Variants in PANX2 observed in about 807,000 individuals in gnomAD.
PANX2 encodes pannexin 2, also known as pannexin-2.
In PANX2, 30 loss-of-function variants were observed where a neutral mutation model predicts 38.7. The observed-to-expected ratio is 0.78, with a 90% CI of 0.58 to 1.05. PANX2 has a LOEUF of 1.05. PANX2 is among the 50% of genes least tolerant of loss of function. PANX2 has a pLI of 0.00. For synonymous variants in PANX2, 539 were observed against 472.1 expected (o/e 1.14, Z -1.84); for missense variants, 880 against 979.3 (o/e 0.90, Z 1.35).
intron 1 of PANX2, among the ~76,000 whole-genome samples, chr22:50,175,020 G>A (rs190958865): frequency 1.4e-4 from 21 of 152,324 alleles, no homozygotes; most frequent in African/African-American, 4.8e-4. Flanking sequence ...GGGCCGGGCC[G>A]GTCACCTGCA....
chr22:50,178,928 TTGCAGA>T lies in PANX2; in HGVS notation c.1691-2_1694del. On this transcript the variant is annotated splice_acceptor_variant and splice_polypyrimidine_tract_variant and coding_sequence_variant and intron_variant, in exon 3 of 3. Coordinates refer to ENST00000395842, the MANE Select transcript of PANX2 (RefSeq NM_052839.4). LOFTEE classifies it high-confidence loss of function. ...GTGAGATGTCTGTGCTCTTGGCTGT[TTGCAGA>T]TGCTCCGCTCCCCGAGAAGGAAATC... is the stretch of plus-strand genomic sequence containing the variant. The T allele has an allele frequency of 5.1e-6, 8 of 1,558,438 alleles. No homozygotes were observed. Among genetic ancestry groups the T allele is most frequent in the Non-Finnish European group, 7.0e-6 (8 of 1,150,750 alleles).
In PANX2 at chr22:50,178,204, G is replaced by GGCCCC; in HGVS notation, c.1492_1493insGCCCC (p.Ala498GlyfsTer60). 1 of 1,319,950 alleles carries GGCCCC rather than the reference G, an allele frequency of 7.6e-7. No homozygotes were observed. The highest frequency in any genetic ancestry group is 1.0e-6 in the Non-Finnish European group (1 of 1,004,476). 81.8% of individuals were successfully genotyped at this position (1,319,950 alleles called of 1,614,324 possible). ...CGACCCGGGCCCCGGCCCCGCCCCT[G>GGCCCC]CCCCCGCCCCGCCGCCCGCCCCTGA... On this transcript the variant is annotated frameshift_variant, in exon 2 of 3. Transcript: ENST00000395842. LOFTEE classifies it high-confidence loss of function.
chr22:50,176,938 G>C lies in PANX2; in HGVS notation c.227-1G>C. ...AGCCCGTGTCTCCTCTTTGCCCCCA[G>C]AGGAACCCATTTACTGTTACACCCC... On this transcript the variant is annotated splice_acceptor_variant, in intron 1 of 2. Transcript: ENST00000395842. LOFTEE classifies it high-confidence loss of function. The C allele has an allele frequency of 6.6e-7, 1 of 1,521,794 alleles. No homozygotes were observed. The highest frequency in any genetic ancestry group is 1.4e-5 in the African/African-American group (1 of 72,572). 94.3% of individuals were successfully genotyped at this position (1,521,794 alleles called of 1,614,324 possible). A position where few individuals can be genotyped will look rare whatever the true frequency, so the allele number is the denominator to read the frequency against.
Position 50,177,594 on chromosome 22 carries a change from C to T in PANX2, c.882C>T (p.Asp294=). Residue 294 remains aspartate (D), a synonymous_variant, in exon 2 of 3, where the codon GAC becomes GAT. Coordinates refer to ENST00000395842, the MANE Select transcript of PANX2 (RefSeq NM_052839.4). ...TGCAGCGCATCATCGCGGGCGTGGA[C>T]ATCGTGCTGCTGTGCGTCATGAACC... The part of the protein sequence containing the change: ...VQLQRIIAGV[D]IVLLCVMNLI... The T allele has an allele frequency of 6.2e-7, 1 of 1,612,856 alleles. No individual in the cohort carries two copies. Among genetic ancestry groups the T allele is most frequent in the Admixed American group, 1.7e-5 (1 of 60,026 alleles).
rs779053312 is a variant in PANX2, at chr22:50,179,163, G to T, written c.1920G>T (p.Gly640=). The T allele has an allele frequency of 1.4e-5, 23 of 1,612,264 alleles. No individual in the cohort carries two copies. Among genetic ancestry groups the T allele is most frequent in the Non-Finnish European group, 1.9e-5 (23 of 1,179,822 alleles). ...TLYEAREEED[G]GPRLPQDVGD... is the part of the protein sequence containing the mutation. The stretch of plus-strand genomic sequence containing the variant: ...ACGAGGCCCGGGAGGAGGAGGACGG[G>T]GGCCCCCGCCTGCCGCAGGACGTGG... The change falls in exon 3 of 3, where the codon GGG becomes GGT. Residue 640 remains glycine, a synonymous_variant. Coordinates refer to ENST00000395842, the MANE Select transcript of PANX2 (RefSeq NM_052839.4).
In PANX2 at chr22:50,178,939, C is replaced by A; in HGVS notation, c.1696C>A (p.Pro566Thr). 6.4e-7 allele frequency: 1 copy of A among 1,567,844 alleles called. No homozygotes were observed. Among genetic ancestry groups the A allele is most frequent in the South Asian group, 1.1e-5 (1 of 86,960 alleles). The stretch of plus-strand genomic sequence containing the variant: ...GTGCTCTTGGCTGTTTGCAGATGCT[C>A]CGCTCCCCGAGAAGGAAATCCCGTA... Reference protein sequence around the residue: ...GLAPAPIKDAPLPEKEIPYPT... With the variant: ...GLAPAPIKDATLPEKEIPYPT... Residue 566 changes from proline to threonine, a missense_variant, in exon 3 of 3, where the codon CCG becomes ACG. Pro to Thr is a conservative substitution (Grantham distance 38). Transcript: ENST00000395842.
chr22:50,175,536 C>T (rs2063656908), intron 1 of PANX2: 2 of 991,150 alleles, frequency 2.0e-6, no homozygotes, highest in Non-Finnish European at 2.8e-6. Context: ...TTTGCCTTGT[C>T]CGGTTTGCTC....
At chr22:50,172,061 G>A (rs934557261) in intron 1 of PANX2, among the ~76,000 whole-genome samples, 8 of 152,102 alleles carry the variant, frequency 5.3e-5, no homozygotes, top group Admixed American at 1.3e-4. Flanking sequence ...GCCAGACCCC[G>A]GGGATTAGAG....
intron 2 of PANX2, 60 bp downstream of exon 2, chr22:50,178,462 C>T: frequency 8.6e-7 from 1 of 1,169,188 alleles, no homozygotes; most frequent in Non-Finnish European, 1.1e-6. Context: ...CGCCCACAGC[C>T]ACAGCGGCCC....
Position 50,177,621 on chromosome 22 carries a change from C to T in PANX2, c.909C>T (p.Leu303=). The part of the protein sequence containing the change: ...VDIVLLCVMN[L]IILVNLIHLF... ...TCGTGCTGCTGTGCGTCATGAACCT[C>T]ATCATCCTCGTCAACCTCATCCACC... The change falls in exon 2 of 3, where the codon CTC becomes CTT. Residue 303 remains leucine (L), a synonymous_variant. Coordinates refer to ENST00000395842, the MANE Select transcript of PANX2 (RefSeq NM_052839.4). 6.2e-7 allele frequency: 1 copy of T among 1,612,988 alleles called. No homozygotes were observed. The highest frequency in any genetic ancestry group is 8.5e-7 in the Non-Finnish European group (1 of 1,179,992).
At chr22:50,172,349 A>G (rs1049642289) in intron 1 of PANX2, among the ~76,000 whole-genome samples, 18 of 152,212 alleles carry the variant, frequency 1.2e-4, no homozygotes, top group African/African-American at 4.3e-4. Context: ...GCTGCCGGCA[A>G]TCCTTGGGCG....
At chr22:50,174,511 G>A (rs866588572) in intron 1 of PANX2, among the ~76,000 whole-genome samples, 159 of 152,338 alleles carry the variant, frequency 1.0e-3, no homozygotes, top group African/African-American at 3.8e-3. Context: ...GGCTCTGAGG[G>A]CTGGGTGTGG....
In PANX2 at chr22:50,177,443, A is replaced by G. The variant is rs1423080469; in HGVS notation, c.731A>G (p.Tyr244Cys). ...ILLLSAVPIS[Y>C]LCTYYATQKQ... ...CTGCTGAGCGCCGTGCCCATCTCCT[A>G]CCTGTGCACCTACTACGCCACGCAG... The change falls in exon 2 of 3, where the codon TAC becomes TGC. Residue 244 changes from tyrosine to cysteine, a missense_variant. Physicochemically the swap from Tyr to Cys is radical, Grantham distance 194. Transcript: ENST00000395842. The G allele has an allele frequency of 6.2e-7, 1 of 1,608,302 alleles. No homozygotes were observed. Among genetic ancestry groups the G allele is most frequent in the Non-Finnish European group, 8.5e-7 (1 of 1,178,094 alleles).
chr22:50,175,588 A>AGCT, intron 1 of PANX2: 1 of 479,164 alleles, frequency 2.1e-6, no homozygotes, highest in Non-Finnish European at 3.5e-6. Flanking sequence ...GTCCCCACCG[A>AGCT]GGACTCGGGC....
chr22:50,171,914 C>T (rs1243852945), intron 1 of PANX2, among the ~76,000 whole-genome samples: 1 of 152,196 alleles, frequency 6.6e-6, no homozygotes, highest in Non-Finnish European at 1.5e-5. Context: ...TGGCGCTTCC[C>T]AAATCTCCCA....
rs754444139 is a variant in PANX2, at chr22:50,177,550, A to G, written c.838A>G (p.Lys280Glu). The change falls in exon 2 of 3, where the codon AAG (lysine) becomes GAG (glutamate). Residue 280 changes from lysine (K) to glutamate (E), a missense_variant. Lys to Glu is a moderately conservative substitution (Grantham distance 56). Transcript: ENST00000395842. ...GAGPAVRVSCKLPSVQLQRII... is the reference protein window; with the variant it reads ...GAGPAVRVSCELPSVQLQRII... ...GGGGCCCGCGGTGCGCGTGAGCTGC[A>G]AGCTCCCGTCCGTGCAACTGCAGCG... The G allele has an allele frequency of 6.2e-7, 1 of 1,611,890 alleles. No individual in the cohort carries two copies. The highest frequency in any genetic ancestry group is 1.1e-5 in the South Asian group (1 of 91,050).
At chr22:50,173,295 A>G (rs547351341) in intron 1 of PANX2, among the ~76,000 whole-genome samples, 2 of 152,302 alleles carry the variant, frequency 1.3e-5, no homozygotes, top group African/African-American at 4.8e-5. Flanking sequence ...GGCCTCCCAA[A>G]TTGCTGGGAT....
chr22:50,177,566 A>G lies in PANX2; in HGVS notation c.854A>G (p.Gln285Arg). ...VRVSCKLPSV[Q>R]LQRIIAGVDI... is the part of the protein sequence containing the mutation. ...GTGAGCTGCAAGCTCCCGTCCGTGC[A>G]ACTGCAGCGCATCATCGCGGGCGTG... Residue 285 changes from glutamine (Q) to arginine (R), a missense_variant, in exon 2 of 3, where the codon CAA becomes CGA. By Grantham distance (43) the Gln-to-Arg change is conservative (BLOSUM62 1). Transcript: ENST00000395842. The G allele has an allele frequency of 6.2e-7, 1 of 1,612,522 alleles. No homozygotes were observed. The highest frequency in any genetic ancestry group is 8.5e-7 in the Non-Finnish European group (1 of 1,179,882).
At chr22:50,171,709 T>G (rs2063633204) in intron 1 of PANX2, among the ~76,000 whole-genome samples, 1 of 152,170 alleles carries the variant, frequency 6.6e-6, no homozygotes, top group African/African-American at 2.4e-5. Context: ...CTGGTGCCTC[T>G]GCCCTCCCCA....
Sources: gnomAD v4.1 joint callset for allele counts (sites outside exome capture counted in the v4.1 genomes callset) on GRCh38, gnomAD v4.1.1 for gene constraint, MANE v1.5 for transcripts, NCBI Gene and HGNC (gene_info 2026-07-23, HGNC 2026-07-21) for gene names.